CEMIP2: variants seen among roughly 807,000 people sequenced by gnomAD.
CEMIP2 encodes the protein cell migration inducing hyaluronidase 2, also known as cell surface hyaluronidase CEMIP2.
CEMIP2 carries 79 observed loss-of-function variants against 146.9 expected under a neutral mutation model. That is an observed-to-expected ratio of 0.54 (90% CI 0.45 to 0.65). The LOEUF is 0.65. Ranked by LOEUF, CEMIP2 falls within the 30% of genes least tolerant of loss-of-function variation. The probability of loss-of-function intolerance (pLI) is 0.00; values close to 1 mark genes in which losing one functional copy is unlikely to be tolerated. For missense variants in CEMIP2, 1,596 were observed against 1,696.2 expected, an observed-to-expected ratio of 0.94 and a Z score of 1.04; for synonymous variants, 601 against 606.3, an observed-to-expected ratio of 0.99 and a Z score of 0.13.
chr9:71,753,583 A>G (rs1043755738), intron 1 of CEMIP2, among the ~76,000 whole-genome samples: 1 of 152,260 alleles, frequency 6.6e-6, no homozygotes, highest in African/African-American at 2.4e-5. Flanking sequence ...ATGTATAAGC[A>G]GCAAATACAA....
At chr9:71,754,541 A>G (rs1358761836) in intron 1 of CEMIP2, among the ~76,000 whole-genome samples, 4 of 152,216 alleles carry the variant, frequency 2.6e-5, no homozygotes, top group Admixed American at 2.0e-4. Context: ...GAAGGAGCAT[A>G]TGAGTATTTT....
chr9:71,756,214 G>GACA (rs1564027735), intron 1 of CEMIP2, among the ~76,000 whole-genome samples: 4 of 141,974 alleles, frequency 2.8e-5, no homozygotes, highest in Non-Finnish European at 4.6e-5. Flanking sequence ...TAGATAGATA[G>GACA]GCTATATATA....
intron 14 of CEMIP2, among the ~76,000 whole-genome samples, chr9:71,715,391 G>A (rs535739818): frequency 4.6e-5 from 7 of 150,946 alleles, no homozygotes; most frequent in South Asian, 2.1e-4. Context: ...CCACACATGC[G>A]TGCCACCATG....
chr9:71,760,374 T>C (rs547681645), intron 1 of CEMIP2, among the ~76,000 whole-genome samples: 45 of 152,360 alleles, frequency 3.0e-4, no homozygotes, highest in African/African-American at 1.0e-3. Context: ...CTATTTATAA[T>C]GTTTAATGCC....
chr9:71,685,331 T>G lies in CEMIP2; in HGVS notation c.4018A>C (p.Ser1340Arg), dbSNP rs372307342. 64 of 1,603,678 alleles carry G rather than the reference T, an allele frequency of 4.0e-5. No homozygotes were observed. Among genetic ancestry groups the G allele is most frequent in the Non-Finnish European group, 5.3e-5 (63 of 1,178,790 alleles). The change falls in exon 24 of 24, where the codon AGT becomes CGT. Residue 1340 changes from serine (S) to arginine (R), a missense_variant. Ser to Arg is a moderately radical substitution (Grantham distance 110). Transcript: ENST00000377044. ...ACCCCAAGGCCCTGTCCAGCAGGAC[T>G]GGTAAATAGCTTAGTCCATGATGGT... ...FKPSWTKLFT[S>R]PAGQGLGVLE...
At chr9:71,692,888 G>A (rs930763170) in intron 21 of CEMIP2, among the ~76,000 whole-genome samples, 3 of 151,388 alleles carry the variant, frequency 2.0e-5, no homozygotes, top group Non-Finnish European at 4.4e-5. Flanking sequence ...GGTGAAGAGG[G>A]AGACCCTGTC....
chr9:71,727,130 G>A (rs1033368207), intron 10 of CEMIP2, among the ~76,000 whole-genome samples: 7 of 152,164 alleles, frequency 4.6e-5, no homozygotes, highest in Non-Finnish European at 7.3e-5. Context: ...TAAAAAGGAC[G>A]AACATACATG....
chr9:71,708,445 T>C (rs1822815826), intron 17 of CEMIP2, among the ~76,000 whole-genome samples: 1 of 152,222 alleles, frequency 6.6e-6, no homozygotes, highest in African/African-American at 2.4e-5. Context: ...GTACTCTATC[T>C]TCACAACAGC....
At chr9:71,751,431 G>C (rs62544872) in intron 1 of CEMIP2, among the ~76,000 whole-genome samples, 10,101 of 152,216 alleles carry the variant, frequency 0.066, 486 homozygotes, top group South Asian at 0.19. Context: ...AGGGCACCAC[G>C]GCTAAACAAT....
intron 2 of CEMIP2, 67 bp downstream of exon 2, chr9:71,749,976 A>G: frequency 7.1e-7 from 1 of 1,416,632 alleles, no homozygotes. Context: ...TTTTTTTTTA[A>G]GTATTCTACT....
intron 5 of CEMIP2, among the ~76,000 whole-genome samples, chr9:71,737,186 G>GAAAGAAAGAAAGAAAGAAAGAAAGA (rs1554686482): frequency 2.3e-5 from 3 of 132,052 alleles, no homozygotes; most frequent in Non-Finnish European, 3.4e-5. Context: ...AAGAAAGAAA[G>GAAAGAAAGAAAGAAAGAAAGAAAGA]AAAAGTCTGT....
rs746060585 is a variant in CEMIP2, at chr9:71,709,292, C to G, written c.2952G>C (p.Trp984Cys). ...RHPSCVNVSK[W>C]NAVICSGTYA... ...AGGTCCCACTGCAGATCACTGCATT[C>G]CACTTAGACACATTTACACAGCTTG... is the stretch of plus-strand genomic sequence containing the variant. The change falls in exon 17 of 24, where the codon TGG (tryptophan) becomes TGC (cysteine). Residue 984 changes from tryptophan (W) to cysteine (C), a missense_variant. By Grantham distance (215) the Trp-to-Cys change is radical. Coordinates refer to ENST00000377044, the MANE Select transcript of CEMIP2 (RefSeq NM_013390.3). 2.4e-5 allele frequency: 39 copies of G among 1,614,062 alleles called. No individual in the cohort carries two copies. In the East Asian group the frequency reaches 8.7e-4, roughly 36 times the overall value.
intron 5 of CEMIP2, among the ~76,000 whole-genome samples, chr9:71,738,378 G>T (rs1823819285): frequency 6.6e-6 from 1 of 152,110 alleles, no homozygotes. Context: ...AGCCAGGCGT[G>T]GTGGCACGCA....
chr9:71,734,860 C>A lies in CEMIP2; in HGVS notation c.1339G>T (p.Glu447Ter). 6.2e-7 allele frequency: 1 copy of A among 1,613,992 alleles called. No individual in the cohort carries two copies. Among genetic ancestry groups the A allele is most frequent in the East Asian group, 2.2e-5 (1 of 44,860 alleles). Residue 447 changes from glutamate to a stop codon, truncating the protein, a stop_gained, in exon 6 of 24, where the codon GAG becomes TAG. Transcript: ENST00000377044. LOFTEE classifies it high-confidence loss of function. ...TCAGAACAGGGAAGAAGAGTGAACT[C>A]CTCTGCTTGGTACATGGAATAGTCT... Reference protein sequence around the residue: ...STDYSMYQAEEFTLLPCSECS... With the variant: ...STDYSMYQAE
At chr9:71,738,836 C>CAA (rs575313448) in intron 5 of CEMIP2, among the ~76,000 whole-genome samples, 18 of 145,516 alleles carry the variant, frequency 1.2e-4, no homozygotes, top group African/African-American at 4.3e-4. Flanking sequence ...GACTCCGTCT[C>CAA]AAAAAAAAAA....
chr9:71,729,736 T>C lies in CEMIP2; in HGVS notation c.2049+109A>G, dbSNP rs557090455. ...CTAAACAAGTAGTACCAGAAAACAA[T>C]GTCATGCTTGGGTTACACTGGCACA... is the stretch of plus-strand genomic sequence containing the variant. On this transcript the variant is annotated intron_variant, in intron 10 of 23. Transcript: ENST00000377044. The C allele has an allele frequency of 1.5e-5, 15 of 1,023,960 alleles. No homozygotes were observed. In the South Asian group the frequency reaches 2.1e-4, roughly 14 times the overall value. The allele number at this position is 1,023,960 out of a possible 1,614,324, so 63.4% of individuals were successfully genotyped here.
chr9:71,725,715 A>G lies in CEMIP2; in HGVS notation c.2050-6T>C, dbSNP rs778189472. The G allele has an allele frequency of 5.6e-6, 9 of 1,611,874 alleles. No homozygotes were observed. Among genetic ancestry groups the G allele is most frequent in the Non-Finnish European group, 7.6e-6 (9 of 1,179,112 alleles). On this transcript the variant is annotated splice_polypyrimidine_tract_variant and splice_region_variant and intron_variant, in intron 10 of 23. Coordinates refer to ENST00000377044, the MANE Select transcript of CEMIP2 (RefSeq NM_013390.3). Reference sequence around the variant, plus strand: ...AAATACCATATTCCAGCATCCTACAAATGAAAGGACAAGCCCATTAAAAGC... The same window carrying G: ...AAATACCATATTCCAGCATCCTACAGATGAAAGGACAAGCCCATTAAAAGC...
rs145552979 is a variant in CEMIP2, at chr9:71,722,782, T to C, written c.2179-267A>G. ...TATACATTAGTTAACAAGAAAAATA[T>C]GATCCTTGTTGTTGCTAACACAAAA... On this transcript the variant is annotated intron_variant, in intron 11 of 23. Coordinates refer to ENST00000377044, the MANE Select transcript of CEMIP2 (RefSeq NM_013390.3). Among the ~76,000 whole-genome samples, 204 of 152,130 alleles carry C rather than the reference T, an allele frequency of 1.3e-3. 1 individual carries two copies. The highest frequency in any genetic ancestry group is 3.4e-3 in the Middle Eastern group (1 of 294).
intron 2 of CEMIP2, 67 bp from the exon 3 acceptor site, chr9:71,746,408 C>T (rs1478547629): frequency 6.3e-7 from 1 of 1,577,542 alleles, no homozygotes; most frequent in East Asian, 2.3e-5. Context: ...AATCTAAGCA[C>T]TACCATTATT....
Sources: gnomAD v4.1 joint callset for allele counts (sites outside exome capture counted in the v4.1 genomes callset) on GRCh38, gnomAD v4.1.1 for gene constraint, MANE v1.5 for transcripts, NCBI Gene and HGNC (gene_info 2026-07-23, HGNC 2026-07-21) for gene names.